GNAQ: variants seen among roughly 807,000 people sequenced by gnomAD.
GNAQ encodes guanine nucleotide-binding protein G(q) subunit alpha.
In GNAQ, 8 loss-of-function variants were observed where a neutral mutation model predicts 43.9. The ratio of observed to expected loss-of-function variants is 0.18; its 90% CI spans 0.11 to 0.33. The LOEUF (loss-of-function observed/expected upper bound fraction) is 0.33, where lower values mean the gene tolerates loss of function less well. Ranked by LOEUF, GNAQ falls within the 10% of genes least tolerant of loss-of-function variation. The probability of loss-of-function intolerance (pLI) is 1.00; values close to 1 mark genes in which losing one functional copy is unlikely to be tolerated. For missense variants in GNAQ, 158 were observed against 450.8 expected (o/e 0.35, Z 5.88); for synonymous variants, 155 against 170.7 (o/e 0.91, Z 0.71).
chr9:77,856,875 G>C (rs2117955833), intron 2 of GNAQ, among the ~76,000 whole-genome samples: 1 of 152,246 alleles, frequency 6.6e-6, no homozygotes, highest in Non-Finnish European at 1.5e-5. Flanking sequence ...ACATGACCTG[G>C]TACCAGCAGT....
At chr9:77,849,378 A>G (rs529812247) in intron 2 of GNAQ, among the ~76,000 whole-genome samples, 1 of 152,288 alleles carries the variant, frequency 6.6e-6, no homozygotes, top group African/African-American at 2.4e-5. Flanking sequence ...TCAGCCACAG[A>G]CAATATCGAG....
intron 2 of GNAQ, among the ~76,000 whole-genome samples, chr9:77,880,054 A>G (rs1190511532): frequency 1.3e-5 from 2 of 152,232 alleles, no homozygotes; most frequent in Non-Finnish European, 2.9e-5. Flanking sequence ...AGGAAAGGTG[A>G]TAGGAAATTA....
chr9:77,831,554 G>T (rs1487903702), intron 2 of GNAQ, among the ~76,000 whole-genome samples: 1 of 152,154 alleles, frequency 6.6e-6, no homozygotes. Flanking sequence ...TAATACAGTG[G>T]AAAACTACTA....
At chr9:77,900,177 T>C (rs1410623871) in intron 2 of GNAQ, among the ~76,000 whole-genome samples, 1 of 152,188 alleles carries the variant, frequency 6.6e-6, no homozygotes, top group Admixed American at 6.5e-5. Flanking sequence ...TTGTGGTATA[T>C]GTCTCATACT....
intron 5 of GNAQ, among the ~76,000 whole-genome samples, chr9:77,729,782 C>G (rs1046079464): frequency 1.3e-5 from 2 of 152,204 alleles, no homozygotes; most frequent in African/African-American, 4.8e-5. Context: ...TTGTGCCCAC[C>G]TCTGCTGCTA....
intron 6 of GNAQ, among the ~76,000 whole-genome samples, chr9:77,728,180 A>G (rs1160915219): frequency 6.6e-6 from 1 of 152,048 alleles, no homozygotes; most frequent in Non-Finnish European, 1.5e-5. Context: ...TTTTTAGTAG[A>G]AACGGGGTTT....
At chr9:77,885,834 ATT>A in intron 2 of GNAQ, among the ~76,000 whole-genome samples, 1 of 152,276 alleles carries the variant, frequency 6.6e-6, no homozygotes, top group Middle Eastern at 3.4e-3. Context: ...CAACATGAAA[ATT>A]TGTCTTTTGT....
intron 1 of GNAQ, among the ~76,000 whole-genome samples, chr9:77,937,555 T>C (rs1464818617): frequency 6.6e-6 from 1 of 152,188 alleles, no homozygotes. Context: ...AATGAGACTT[T>C]TAAGGAGTTG....
intron 5 of GNAQ, among the ~76,000 whole-genome samples, chr9:77,764,111 A>T (rs1162438622): frequency 2.0e-5 from 3 of 152,158 alleles, no homozygotes; most frequent in African/African-American, 7.2e-5. Context: ...ATGATCAAAA[A>T]CCAAATACAA....
intron 5 of GNAQ, among the ~76,000 whole-genome samples, chr9:77,752,506 TCTC>T (rs1825827029): frequency 6.6e-6 from 1 of 152,150 alleles, no homozygotes; most frequent in Non-Finnish European, 1.5e-5. Context: ...TCACATCCAA[TCTC>T]CTCTTTTTAC....
chr9:77,789,455 G>A (rs924943403), intron 5 of GNAQ, among the ~76,000 whole-genome samples: 5 of 151,968 alleles, frequency 3.3e-5, no homozygotes, highest in Admixed American at 3.3e-4. Context: ...AAATGGTAGA[G>A]CTAAAATTCT....
chr9:77,779,929 C>T (rs2118399306), intron 5 of GNAQ, among the ~76,000 whole-genome samples: 1 of 152,014 alleles, frequency 6.6e-6, no homozygotes, highest in East Asian at 1.9e-4. Context: ...AACAATTAAC[C>T]TTCCCGAACA....
At chr9:77,891,403 T>C (rs777692266) in intron 2 of GNAQ, among the ~76,000 whole-genome samples, 8 of 152,198 alleles carry the variant, frequency 5.3e-5, no homozygotes, top group Non-Finnish European at 1.0e-4. Context: ...GGGGAGGAAG[T>C]AGGAGATCGG....
chr9:77,826,642 A>AC (rs1827202525), intron 2 of GNAQ, among the ~76,000 whole-genome samples: 1 of 152,240 alleles, frequency 6.6e-6, no homozygotes, highest in African/African-American at 2.4e-5. Context: ...GGAGTCAAAC[A>AC]CATTGAATCA....
chr9:77,915,202 C>A (rs1304994621), intron 2 of GNAQ, among the ~76,000 whole-genome samples: 1 of 152,180 alleles, frequency 6.6e-6, no homozygotes, highest in African/African-American at 2.4e-5. Flanking sequence ...ATTTTGAACA[C>A]AGCCAGATAA....
chr9:77,951,557 A>G (rs1164722335), intron 1 of GNAQ, among the ~76,000 whole-genome samples: 6 of 152,138 alleles, frequency 3.9e-5, no homozygotes, highest in Admixed American at 3.3e-4. Context: ...TAGTTTATTT[A>G]CTTAGCTGTG....
intron 1 of GNAQ, among the ~76,000 whole-genome samples, chr9:77,948,139 G>A (rs1299087719): frequency 6.6e-6 from 1 of 152,022 alleles, no homozygotes; most frequent in South Asian, 2.1e-4. Context: ...ATTCAAAACG[G>A]CATAAATGTT....
intron 2 of GNAQ, among the ~76,000 whole-genome samples, chr9:77,913,385 T>C (rs1027155623): frequency 2.0e-5 from 3 of 151,850 alleles, no homozygotes; most frequent in African/African-American, 4.8e-5. Context: ...GCTGGTCACA[T>C]GTAAATTTAA....
At chr9:77,978,304 T>G (rs1823328421) in intron 1 of GNAQ, among the ~76,000 whole-genome samples, 1 of 152,212 alleles carries the variant, frequency 6.6e-6, no homozygotes, top group South Asian at 2.1e-4. Flanking sequence ...GTCTCTAGTT[T>G]TCTTGATTAT....
Sources: gnomAD v4.1 joint callset for allele counts (sites outside exome capture counted in the v4.1 genomes callset) on GRCh38, gnomAD v4.1.1 for gene constraint, MANE v1.5 for transcripts, NCBI Gene and HGNC (gene_info 2026-07-23, HGNC 2026-07-21) for gene names.